Variants in PCSK5 observed in about 807,000 individuals in gnomAD.
PCSK5 encodes the protein proprotein convertase subtilisin/kexin type 5, also known as prohormone convertase 5.
In PCSK5, 129 loss-of-function variants were observed where a neutral mutation model predicts 233.2. The observed-to-expected ratio is 0.55, with a 90% CI of 0.48 to 0.64. The LOEUF (loss-of-function observed/expected upper bound fraction) is 0.64. Ranked by LOEUF, PCSK5 falls within the 30% of genes least tolerant of loss-of-function variation. The pLI, the probability that PCSK5 is intolerant of heterozygous loss-of-function variation, is 0.00. For synonymous variants in PCSK5, 825 were observed against 879.2 expected (o/e 0.94, Z 1.09); for missense variants, 2,076 against 2,430.1 (o/e 0.85, Z 3.06).
At chr9:75,963,853 T>C (rs921693391) in intron 2 of PCSK5, among the ~76,000 whole-genome samples, 2 of 152,152 alleles carry the variant, frequency 1.3e-5, no homozygotes, top group African/African-American at 4.8e-5. Flanking sequence ...CACTCCAGCC[T>C]GGGTGACAGA....
intron 2 of PCSK5, among the ~76,000 whole-genome samples, chr9:75,967,847 C>T (rs979582478): frequency 4.6e-5 from 7 of 151,858 alleles, no homozygotes; most frequent in Admixed American, 1.3e-4. Context: ...CCACAACCTC[C>T]GCCTCCCCAG....
intron 20 of PCSK5, among the ~76,000 whole-genome samples, chr9:76,213,352 A>T (rs571015603): frequency 6.6e-6 from 1 of 152,222 alleles, no homozygotes. Flanking sequence ...TCATTCAAAC[A>T]CTGAGCAGTC....
chr9:76,027,290 G>T (rs748367906), intron 5 of PCSK5, among the ~76,000 whole-genome samples: 1 of 152,098 alleles, frequency 6.6e-6, no homozygotes, highest in Non-Finnish European at 1.5e-5. Flanking sequence ...ACTAAGAGAT[G>T]ACCCCTCACG....
chr9:76,283,014 A>T (rs1286009452), intron 24 of PCSK5, among the ~76,000 whole-genome samples: 1 of 152,210 alleles, frequency 6.6e-6, no homozygotes, highest in East Asian at 1.9e-4. Flanking sequence ...TGAAGATGTG[A>T]CTGAATTGCT....
upstream of PCSK5, among the ~76,000 whole-genome samples, chr9:75,889,981 T>C (rs1295280555): frequency 6.6e-6 from 1 of 152,212 alleles, no homozygotes; most frequent in Non-Finnish European, 1.5e-5. Context: ...AACAAATGAA[T>C]GGAGTTATTT....
intron 5 of PCSK5, among the ~76,000 whole-genome samples, chr9:76,047,361 G>A (rs1320066073): frequency 3.3e-5 from 5 of 152,192 alleles, no homozygotes; most frequent in African/African-American, 1.2e-4. Flanking sequence ...CTCCCAAAGT[G>A]CAAGGGAAAT....
chr9:75,966,653 C>T (rs975228977), intron 2 of PCSK5, among the ~76,000 whole-genome samples: 2 of 152,184 alleles, frequency 1.3e-5, no homozygotes, highest in Admixed American at 6.5e-5. Flanking sequence ...TGTCATTAAA[C>T]ATATGTGACA....
At chr9:76,242,644 C>A (rs1826466401) in intron 24 of PCSK5, among the ~76,000 whole-genome samples, 1 of 152,200 alleles carries the variant, frequency 6.6e-6, no homozygotes, top group African/African-American at 2.4e-5. Context: ...TTGCACAGAG[C>A]AATGATGAAT....
At chr9:75,998,584 T>G (rs1337627055) in intron 3 of PCSK5, among the ~76,000 whole-genome samples, 4 of 152,242 alleles carry the variant, frequency 2.6e-5, no homozygotes. Context: ...AACACTTCCT[T>G]GTACTTTATC....
intron 31 of PCSK5, 33 bp from the exon 32 acceptor site, chr9:76,323,019 C>T (rs202115851): frequency 5.4e-5 from 66 of 1,219,206 alleles, no homozygotes; most frequent in East Asian, 9.9e-5. Flanking sequence ...TCCTACCCCC[C>T]GGGGATAACT....
intron 20 of PCSK5, among the ~76,000 whole-genome samples, chr9:76,226,499 G>A (rs1825896684): frequency 6.6e-6 from 1 of 152,112 alleles, no homozygotes; most frequent in Admixed American, 6.5e-5. Context: ...TTAAACCCTG[G>A]GCGGGTCCTG....
rs184715551 is a variant in PCSK5, at chr9:76,041,022, C to A, written c.632+13985C>A. Among the ~76,000 whole-genome samples, 442 of 152,280 alleles carry A rather than the reference C, an allele frequency of 2.9e-3. 5 individuals are homozygous for A. Among genetic ancestry groups the A allele is most frequent in the African/African-American group, 0.01 (424 of 41,548 alleles). ...AGTTTTCCAAAAGCATTTCATGGAA[C>A]CCTGGAGTCTGCTGATGGATCTCAC... On this transcript the variant is annotated intron_variant, in intron 5 of 37. Transcript: ENST00000674117.
At chr9:76,062,489 A>G (rs965262194) in intron 5 of PCSK5, among the ~76,000 whole-genome samples, 3 of 152,176 alleles carry the variant, frequency 2.0e-5, no homozygotes, top group African/African-American at 7.2e-5. Flanking sequence ...TGAAATAACA[A>G]TTTTCATGTC....
intron 3 of PCSK5, among the ~76,000 whole-genome samples, chr9:75,991,120 G>C (rs1276264920): frequency 6.6e-6 from 1 of 152,154 alleles, no homozygotes; most frequent in Non-Finnish European, 1.5e-5. Flanking sequence ...TGAAAGCAAA[G>C]AAAAGTTAAG....
chr9:76,031,765 T>A (rs1828661583), intron 5 of PCSK5, among the ~76,000 whole-genome samples: 1 of 152,218 alleles, frequency 6.6e-6, no homozygotes, highest in Non-Finnish European at 1.5e-5. Flanking sequence ...ACATAATAGA[T>A]GCTACATAAT....
intron 10 of PCSK5, among the ~76,000 whole-genome samples, chr9:76,143,069 C>G (rs1002062660): frequency 6.6e-6 from 1 of 152,102 alleles, no homozygotes; most frequent in African/African-American, 2.4e-5. Flanking sequence ...CAAATAAGTA[C>G]AGTGAGAGGG....
chr9:76,123,509 C>T (rs1395985014), intron 9 of PCSK5, among the ~76,000 whole-genome samples: 1 of 152,034 alleles, frequency 6.6e-6, no homozygotes, highest in African/African-American at 2.4e-5. Context: ...TACTTATTTC[C>T]CTATCTTTAA....
chr9:76,134,957 GTT>G (rs1257537410), intron 10 of PCSK5, among the ~76,000 whole-genome samples: 1 of 151,918 alleles, frequency 6.6e-6, no homozygotes, highest in African/African-American at 2.4e-5. Context: ...TTATAATAAG[GTT>G]TTAATTCATT....
intron 1 of PCSK5, among the ~76,000 whole-genome samples, chr9:75,908,001 A>G (rs934365915): frequency 6.6e-6 from 1 of 152,258 alleles, no homozygotes; most frequent in African/African-American, 2.4e-5. Flanking sequence ...AATTAAATCC[A>G]GAGAGAAGGA....
Sources: allele counts gnomAD v4.1 joint callset (sites outside exome capture counted in the v4.1 genomes callset), GRCh38; gene constraint gnomAD v4.1.1; transcripts MANE v1.5; gene names NCBI Gene and HGNC (gene_info 2026-07-23, HGNC 2026-07-21).